The following FUT8 variants were observed in gnomAD, a reference collection of about 807,000 sequenced individuals.
FUT8 encodes the protein alpha-(1,6)-fucosyltransferase.
A neutral mutation model predicts 71.3 loss-of-function variants in FUT8; 29 were observed. The ratio of observed to expected loss-of-function variants is 0.41; its 90% confidence interval spans 0.30 to 0.55. FUT8 has a LOEUF of 0.55. FUT8 is among the 20% of genes least tolerant of loss of function. The probability of loss-of-function intolerance (pLI) is 0.34; values close to 1 mark genes in which losing one functional copy is unlikely to be tolerated. For synonymous variants in FUT8, 254 were observed against 239.3 expected (o/e 1.06, Z -0.57); for missense variants, 544 against 702.1 (o/e 0.77, Z 2.55).
At chr14:65,651,811 T>C (rs1383614511) in intron 6 of FUT8, among the ~76,000 whole-genome samples, 1 of 152,014 alleles carries the variant, frequency 6.6e-6, no homozygotes, top group Non-Finnish European at 1.5e-5. Context: ...GCACTCAAAT[T>C]TAGATCAATA....
chr14:65,410,818 G>T (rs1238180591), upstream of FUT8: 1 of 151,492 alleles, frequency 6.6e-6, no homozygotes, highest in East Asian at 1.9e-4. Context: ...TTGCTATGTT[G>T]CCCAGGCTGA....
At position 65,603,403 on chromosome 14, in the gene FUT8, G is replaced by A. The variant is rs912162894; in HGVS notation, c.204-12575G>A. On this transcript the variant is annotated intron_variant, in intron 3 of 10. Transcript: ENST00000673929. This position sits in a 1 kb window ranked among gnomAD's most constrained non-coding sequence, Gnocchi z 4.5. The stretch of plus-strand genomic sequence containing the variant: ...GGCCGTATAGTATGGTTTGAAATCA[G>A]GTAGTGTGATGCCTCCAGATTTGTT... Among the ~76,000 whole-genome samples the A allele has an allele frequency of 6.6e-6, 1 of 151,720 alleles. No homozygotes were observed. The highest frequency in any genetic ancestry group is 2.4e-5 in the African/African-American group (1 of 41,348).
chr14:65,465,029 TTTC>T (rs1156917137), intron 2 of FUT8, among the ~76,000 whole-genome samples: 2 of 152,250 alleles, frequency 1.3e-5, no homozygotes, highest in African/African-American at 2.4e-5. Flanking sequence ...AGATTATTTG[TTTC>T]TTCTTGTGTG....
At chr14:65,405,333 G>T in the FUT8 span, among the ~76,000 whole-genome samples, 2 of 152,126 alleles carry the variant, frequency 1.3e-5, no homozygotes, top group African/African-American at 4.8e-5. Flanking sequence ...TCCAGAAATG[G>T]GGATTTGTGA....
chr14:65,400,945 C>T, the FUT8 span, among the ~76,000 whole-genome samples: 1 of 152,166 alleles, frequency 6.6e-6, no homozygotes, highest in Non-Finnish European at 1.5e-5. Flanking sequence ...ATACCGCTTT[C>T]ACCTTTTTGC....
intron 2 of FUT8, among the ~76,000 whole-genome samples, chr14:65,527,602 G>T (rs563558690): frequency 1.4e-4 from 22 of 151,812 alleles, no homozygotes; most frequent in African/African-American, 5.3e-4. Flanking sequence ...TCTGTTGCTG[G>T]CCTTTGGAGG....
intron 2 of FUT8, among the ~76,000 whole-genome samples, chr14:65,505,640 T>C (rs1000111661): frequency 2.0e-5 from 3 of 152,114 alleles, no homozygotes; most frequent in African/African-American, 7.2e-5. Flanking sequence ...AGACTTTGTT[T>C]TGGAGTTTCA....
chr14:65,499,380 CAG>C (rs2066609825), intron 2 of FUT8, among the ~76,000 whole-genome samples: 1 of 152,094 alleles, frequency 6.6e-6, no homozygotes, highest in African/African-American at 2.4e-5. Context: ...GGCCCTCAAA[CAG>C]AGTACAGCTC....
At chr14:65,585,046 CAG>C (rs1887305107) in intron 3 of FUT8, among the ~76,000 whole-genome samples, 2 of 144,114 alleles carry the variant, frequency 1.4e-5, no homozygotes, top group Non-Finnish European at 3.1e-5. Context: ...TTTATTTAAA[CAG>C]ATCTGTTTCA....
chr14:65,365,291 G>A, the FUT8 span, among the ~76,000 whole-genome samples: 1 of 151,778 alleles, frequency 6.6e-6, no homozygotes, highest in South Asian at 2.1e-4. Context: ...AGAGCAAAGA[G>A]GGGCATGATT....
At chr14:65,475,904 G>A (rs2066231743) in intron 2 of FUT8, among the ~76,000 whole-genome samples, 1 of 152,090 alleles carries the variant, frequency 6.6e-6, no homozygotes, top group South Asian at 2.1e-4. Flanking sequence ...GCCTGCTACT[G>A]GGATTGTAGG....
chr14:65,698,082 C>T (rs7154876), intron 7 of FUT8, among the ~76,000 whole-genome samples: 9,108 of 151,558 alleles, frequency 0.06, 321 homozygotes, highest in Admixed American at 0.11. Context: ...AGAAATATTC[C>T]AAGTGAGATT....
intron 2 of FUT8, among the ~76,000 whole-genome samples, chr14:65,513,805 G>A (rs1416796758): frequency 1.3e-5 from 2 of 152,216 alleles, no homozygotes; most frequent in African/African-American, 2.4e-5. Context: ...GTGCTTCACC[G>A]AAGGGGAGTG....
chr14:65,451,330 G>C (rs1426173695), intron 1 of FUT8, among the ~76,000 whole-genome samples: 1 of 152,244 alleles, frequency 6.6e-6, no homozygotes, highest in African/African-American at 2.4e-5. Flanking sequence ...CATATGAGTG[G>C]GTGCCGGAAC....
chr14:65,519,597 G>A (rs1013094294), intron 2 of FUT8, among the ~76,000 whole-genome samples: 4 of 152,032 alleles, frequency 2.6e-5, no homozygotes, highest in Admixed American at 1.3e-4. Context: ...AATGTTTCTG[G>A]ATAAATTTTT....
chr14:65,623,873 C>G (rs1256524712), intron 5 of FUT8, among the ~76,000 whole-genome samples: 1 of 152,108 alleles, frequency 6.6e-6, no homozygotes, highest in Non-Finnish European at 1.5e-5. Flanking sequence ...CTTTAGTATG[C>G]CCACTTATTA....
intron 2 of FUT8, among the ~76,000 whole-genome samples, chr14:65,510,086 T>C (rs147660826): frequency 1.3e-5 from 2 of 152,176 alleles, no homozygotes; most frequent in Non-Finnish European, 1.5e-5. Flanking sequence ...TATATGGCTT[T>C]TATTATGTTG....
At chr14:65,694,557 G>C (rs896148099) in intron 7 of FUT8, among the ~76,000 whole-genome samples, 1 of 152,034 alleles carries the variant, frequency 6.6e-6, no homozygotes, top group East Asian at 1.9e-4. Context: ...ATACCCAAAG[G>C]ACTATAAATC....
chr14:65,446,282 C>G (rs890964256), intron 1 of FUT8, among the ~76,000 whole-genome samples: 3 of 152,120 alleles, frequency 2.0e-5, no homozygotes, highest in South Asian at 2.1e-4. Flanking sequence ...TAACACTTTC[C>G]TCTGTTCTCT....
Sources: gnomAD v4.1 joint callset for allele counts (sites outside exome capture counted in the v4.1 genomes callset) on GRCh38, gnomAD v4.1.1 for gene constraint, Gnocchi (gnomAD v3.1) non-coding constraint, MANE v1.5 for transcripts, NCBI Gene and HGNC (gene_info 2026-07-23, HGNC 2026-07-21) for gene names.